Variants in A2M observed in about 807,000 individuals in gnomAD.
A2M encodes C3 and PZP-like alpha-2-macroglobulin domain-containing protein 5.
A neutral mutation model predicts 183.9 loss-of-function variants in A2M; 128 were observed. The observed-to-expected ratio is 0.70, with a 90% CI of 0.60 to 0.81. The LOEUF is 0.81. Among genes scored for constraint, A2M ranks in the 30% least tolerant of loss-of-function variants. The pLI is 0.00. For synonymous variants in A2M, 592 were observed against 670.8 expected (o/e 0.88, Z 1.81); for missense variants, 1,495 against 1,787.6 (o/e 0.84, Z 2.95).
At chr12:9,074,913 T>G (rs1315024971) in intron 28 of A2M, 130 bp from the exon 29 acceptor site, 1 of 990,608 alleles carries the variant, frequency 1.0e-6, no homozygotes, top group Non-Finnish European at 1.5e-6. Flanking sequence ...ATGTAGATGC[T>G]TTTCCCTTCA....
Position 9,109,373 on chromosome 12 carries a change from G to A in A2M, c.706C>T (p.Pro236Ser). The A allele has an allele frequency of 6.2e-7, 1 of 1,613,394 alleles. No homozygotes were observed. Among genetic ancestry groups the A allele is most frequent in the Non-Finnish European group, 8.5e-7 (1 of 1,179,564 alleles). The change falls in exon 7 of 36, where the codon CCA becomes TCA. Residue 236 changes from proline (P) to serine (S), a missense_variant. Transcript: ENST00000318602. ...TCTTCCAAGATGGTGATTATCTTTG[G>A]CACTGTTACTTGTACTTCAAACTTG... ...LPKFEVQVTV[P>S]KIITILEEEM...
intron 8 of A2M, 29 bp from the exon 9 acceptor site, chr12:9,106,634 A>G (rs1450921418): frequency 8.6e-7 from 1 of 1,165,602 alleles, no homozygotes; most frequent in Admixed American, 2.0e-5. Flanking sequence ...AAATACAAAA[A>G]TATAATGCAT....
intron 15 of A2M, 105 bp from the exon 16 acceptor site, chr12:9,095,805 C>A (rs763752495): frequency 4.0e-6 from 4 of 1,000,344 alleles, no homozygotes; most frequent in Non-Finnish European, 4.2e-6. Context: ...CAGGCCGGAC[C>A]GCGGACTGCA....
chr12:9,101,409 G>T (rs1937833773), intron 12 of A2M, 38 bp downstream of exon 12: 1 of 1,541,186 alleles, frequency 6.5e-7, no homozygotes. Flanking sequence ...GAGAGCTTTT[G>T]TCTACAGTGA....
In A2M at chr12:9,093,543, A is replaced by G; in HGVS notation, c.2162T>C (p.Val721Ala). The G allele has an allele frequency of 1.2e-6, 2 of 1,612,452 alleles. No homozygotes were observed. Among genetic ancestry groups the G allele is most frequent in the Non-Finnish European group, 1.7e-6 (2 of 1,179,250 alleles). ...DVMGRGHARL[V>A]HVEEPHTETV... ...CTCCGTGTGAGGCTCTTCAACATGC[A>G]CCAGGCGTGCATGGCCTCTTCCCAT... Residue 721 changes from valine (V) to alanine (A), a missense_variant, in exon 18 of 36, where the codon GTG becomes GCG. By Grantham distance (64) the Val-to-Ala change is moderately conservative. Transcript: ENST00000318602.
In A2M at chr12:9,095,705, A is replaced by G. The variant is rs766175720; in HGVS notation, c.1852-5T>C. 2 of 1,554,360 alleles carry G rather than the reference A, an allele frequency of 1.3e-6. No homozygotes were observed. Among genetic ancestry groups the G allele is most frequent in the Non-Finnish European group, 1.7e-6 (2 of 1,154,312 alleles). On this transcript the variant is annotated splice_region_variant and splice_polypyrimidine_tract_variant and intron_variant, in intron 15 of 35. Transcript: ENST00000318602. The stretch of plus-strand genomic sequence containing the variant: ...TTCTGGTAGCAGGTTGTAAACCTGT[A>G]CAAATACGAAAGACAAAAAGGCAAA...
intron 29 of A2M, among the ~76,000 whole-genome samples, 158 bp from the exon 30 acceptor site, chr12:9,073,029 T>G (rs144610889): frequency 7.9e-4 from 120 of 152,342 alleles, no homozygotes; most frequent in African/African-American, 2.7e-3. Flanking sequence ...AATCTTTAGA[T>G]AGTTGAAGAA....
At chr12:9,105,768 A>G (rs1333115505) in intron 10 of A2M, among the ~76,000 whole-genome samples, 1 of 152,222 alleles carries the variant, frequency 6.6e-6, no homozygotes, top group Admixed American at 6.5e-5. Flanking sequence ...CTATCCATGA[A>G]ATAAACATTA....
intron 32 of A2M, 39 bp from the exon 33 acceptor site, chr12:9,069,852 A>G: frequency 1.3e-6 from 2 of 1,584,668 alleles, no homozygotes; most frequent in Non-Finnish European, 1.7e-6. Context: ...TAATAAATAG[A>G]TGAAACCCCT....
chr12:9,067,905 C>G lies in A2M; in HGVS notation c.4409-66G>C, dbSNP rs1805687. 5.6e-4 allele frequency: 833 copies of G among 1,479,700 alleles called. 4 individuals are homozygous for G. In the African/African-American group the frequency reaches 0.01, roughly 19 times the overall value. 91.7% of individuals were successfully genotyped at this position (1,479,700 alleles called of 1,614,324 possible). A position where few individuals can be genotyped will look rare whatever the true frequency, so the allele number is the denominator to read the frequency against. ...TCTCCATGAGCAGAGAGTATTCTTTCCCTTAGTTCTGGGTAGCATAGTGCC... is the reference window on the plus strand; with the variant it reads ...TCTCCATGAGCAGAGAGTATTCTTTGCCTTAGTTCTGGGTAGCATAGTGCC... On this transcript the variant is annotated intron_variant, in intron 35 of 35. Transcript: ENST00000318602.
chr12:9,073,128 T>C (rs1948632275), intron 29 of A2M, among the ~76,000 whole-genome samples: 1 of 152,246 alleles, frequency 6.6e-6, no homozygotes. Context: ...TCTGTAAGTA[T>C]ATGTGGGACA....
In A2M at chr12:9,101,241, G is replaced by A. The variant is rs372574256; in HGVS notation, c.1495-34C>T. 2.2e-4 allele frequency: 343 copies of A among 1,544,938 alleles called. 1 individual carries two copies. In the African/African-American group the frequency reaches 4.2e-3, roughly 19 times the overall value. On this transcript the variant is annotated intron_variant, in intron 12 of 35. Coordinates refer to ENST00000318602, the MANE Select transcript of A2M (RefSeq NM_000014.6). ...AAGGAAATAAAAAGAAATTAAATGT[G>A]CCAGAGAGAACACGCTTCAGTCTCA...
chr12:9,077,221 G>T, intron 27 of A2M, 125 bp downstream of exon 27: 1 of 944,150 alleles, frequency 1.1e-6, no homozygotes, highest in Non-Finnish European at 1.6e-6. Context: ...GATCTGGGAA[G>T]CACTGGCATT....
At chr12:9,098,416 G>A in intron 15 of A2M, 191 bp downstream of exon 15, 1 of 332,972 alleles carries the variant, frequency 3.0e-6, no homozygotes, top group Non-Finnish European at 5.0e-6. Context: ...TTTTTTAACT[G>A]CAGAAGTGAG....
chr12:9,095,700 C>G lies in A2M; in HGVS notation c.1852G>C (p.Val618Leu). The change falls in exon 16 of 36, where the codon GTT becomes CTT. Residue 618 changes from valine to leucine, a missense_variant and splice_region_variant. Val to Leu is a conservative substitution (Grantham distance 32, BLOSUM62 1). Coordinates refer to ENST00000318602, the MANE Select transcript of A2M (RefSeq NM_000014.6). ...TCCTTTTCTGGTAGCAGGTTGTAAACCTGTACAAATACGAAAGACAAAAAG... is the reference window on the plus strand; with the variant it reads ...TCCTTTTCTGGTAGCAGGTTGTAAAGCTGTACAAATACGAAAGACAAAAAG... ...KPDAELSASS[V>L]YNLLPEKDLT... The G allele has an allele frequency of 6.4e-7, 1 of 1,553,800 alleles. No homozygotes were observed. The highest frequency in any genetic ancestry group is 8.7e-7 in the Non-Finnish European group (1 of 1,148,586).
At chr12:9,070,623 A>C (rs1472477536) in intron 31 of A2M, 45 bp from the exon 32 acceptor site, 1 of 1,382,782 alleles carries the variant, frequency 7.2e-7, no homozygotes, top group East Asian at 2.3e-5. Context: ...CTGTGTTTTT[A>C]AATATTTTCT....
Position 9,068,216 on chromosome 12 carries a change from C to T in A2M, c.4375G>A (p.Ala1459Thr). The T allele has an allele frequency of 6.2e-7, 1 of 1,601,610 alleles. No individual in the cohort carries two copies. ...VYDYYETDEF[A>T]IAEYNAPCSK... ...CAAGGAGCATTGTACTCAGCAATTGCAAACTCATCTGAAAAAAAAAAAACC... is the reference window on the plus strand; with the variant it reads ...CAAGGAGCATTGTACTCAGCAATTGTAAACTCATCTGAAAAAAAAAAAACC... The change falls in exon 35 of 36, where the codon GCA (alanine) becomes ACA (threonine). Residue 1459 changes from alanine (A) to threonine (T), a missense_variant. Coordinates refer to ENST00000318602, the MANE Select transcript of A2M (RefSeq NM_000014.6).
Position 9,091,341 on chromosome 12 carries a change from C to T in A2M, c.2329G>A (p.Gly777Arg). The T allele has an allele frequency of 2.5e-6, 4 of 1,614,188 alleles. No homozygotes were observed. Among genetic ancestry groups the T allele is most frequent in the Non-Finnish European group, 3.4e-6 (4 of 1,180,044 alleles). Residue 777 changes from glycine (G) to arginine (R), a missense_variant, in exon 19 of 36, where the codon GGA (glycine) becomes AGA (arginine). Transcript: ENST00000318602. Reference protein sequence around the residue: ...AGAFCLSEDAGLGISSTASLR... With the variant: ...AGAFCLSEDARLGISSTASLR... Reference sequence around the variant, plus strand: ...GAGGCAGTGGAAGAGATACCAAGTCCAGCATCTTCAGACAGGCAGAAGGCC... The same window carrying T: ...GAGGCAGTGGAAGAGATACCAAGTCTAGCATCTTCAGACAGGCAGAAGGCC...
intron 23 of A2M, 85 bp downstream of exon 23, chr12:9,080,009 T>C: frequency 2.0e-6 from 2 of 992,492 alleles, no homozygotes; most frequent in Non-Finnish European, 2.9e-6. Context: ...AATTATAGTA[T>C]TATTTTTAGT....
Sources: gnomAD v4.1 joint callset for allele counts (sites outside exome capture counted in the v4.1 genomes callset) on GRCh38, gnomAD v4.1.1 for gene constraint, MANE v1.5 for transcripts, NCBI Gene and HGNC (gene_info 2026-07-23, HGNC 2026-07-21) for gene names.